Variants in NOTCH3 observed in about 807,000 individuals in gnomAD.
NOTCH3 encodes the protein notch receptor 3.
Under a neutral mutation model 213.3 loss-of-function variants are expected in NOTCH3, and 86 were observed. The ratio of observed to expected loss-of-function variants is 0.40; its 90% CI spans 0.34 to 0.48. The LOEUF (loss-of-function observed/expected upper bound fraction) is 0.48, where lower values mean the gene tolerates loss of function less well. NOTCH3 is among the 20% of genes least tolerant of loss of function. NOTCH3 has a pLI of 0.57. For missense variants in NOTCH3, 2,783 were observed against 3,272.6 expected (o/e 0.85, Z 3.65); for synonymous variants, 1,354 against 1,355.9 (o/e 1.00, Z 0.03).
rs2046899346 is a variant in NOTCH3 at position 15,188,196 on chromosome 19, A to G, written c.1492+39T>C. The G allele has an allele frequency of 2.1e-6, 3 of 1,456,028 alleles. No homozygotes were observed. In the African/African-American group the frequency reaches 4.2e-5, roughly 20 times the overall value. The allele number at this position is 1,456,028 out of a possible 1,614,324, so 90.2% of individuals were successfully genotyped here. On this transcript the variant is annotated intron_variant, in intron 9 of 32. Transcript: ENST00000263388. The stretch of plus-strand genomic sequence containing the variant: ...CACCCTGGAGTTTTTGCCCCTTCCC[A>G]GACATGTCTTTTCGGGCTCCCTCTC...
chr19:15,189,212 C>T (rs766602852), intron 7 of NOTCH3, 38 bp from the exon 8 acceptor site: 1 of 1,613,070 alleles, frequency 6.2e-7, no homozygotes. Context: ...GCGTGGCTGG[C>T]CGGGACCCCC....
At chr19:15,176,314 A>G (rs2046789580) in intron 24 of NOTCH3, among the ~76,000 whole-genome samples, 1 of 151,910 alleles carries the variant, frequency 6.6e-6, no homozygotes, top group South Asian at 2.1e-4. Flanking sequence ...GATTACAGCC[A>G]TGTGCCACCA....
Position 15,161,118 on chromosome 19 carries a change from G to A in NOTCH3, c.6510C>T (p.Leu2170=), listed in dbSNP as rs754442174. ...LGLLNPVAVP[L]DWARLPPPAP... ...CAGGTGGGGGCAGCCGGGCCCAATC[G>A]AGGGGCACAGCCACAGGGTTCAGCA... Residue 2170 remains leucine, a synonymous_variant, in exon 33 of 33, where the codon CTC becomes CTT. Transcript: ENST00000263388. The A allele has an allele frequency of 7.8e-6, 12 of 1,539,444 alleles. No individual in the cohort carries two copies. The highest frequency in any genetic ancestry group is 2.4e-5 in the East Asian group (1 of 41,250).
chr19:15,174,483 T>A (rs1009683990), intron 24 of NOTCH3, 83 bp from the exon 25 acceptor site: 1 of 1,009,858 alleles, frequency 9.9e-7, no homozygotes, highest in East Asian at 2.6e-5. Context: ...CACCGTAGAG[T>A]ACAGAGACTC....
chr19:15,189,381 C>G lies in NOTCH3; in HGVS notation c.1084G>C (p.Glu362Gln). 6.2e-7 allele frequency: 1 copy of G among 1,613,954 alleles called. No homozygotes were observed. The highest frequency in any genetic ancestry group is 8.5e-7 in the Non-Finnish European group (1 of 1,180,054). ...GGATTTGTGTCACAGATAGCATCCT[C>G]GTGGCAGGGGTTGCTGACACAGGCG... ...DDACVSNPCH[E>Q]DAICDTNPVN... is the part of the protein sequence containing the mutation. The change falls in exon 7 of 33, where the codon GAG (glutamate) becomes CAG (glutamine). Residue 362 changes from glutamate (E) to glutamine (Q), a missense_variant. Physicochemically the swap from Glu to Gln is conservative, Grantham distance 29. Coordinates refer to ENST00000263388, the MANE Select transcript of NOTCH3 (RefSeq NM_000435.3).
chr19:15,177,697 C>G lies in NOTCH3; in HGVS notation c.4231G>C (p.Gly1411Arg), dbSNP rs2046803350. 1 of 1,540,090 alleles carries G rather than the reference C, an allele frequency of 6.5e-7. No homozygotes were observed. The highest frequency in any genetic ancestry group is 1.4e-5 in the African/African-American group (1 of 73,288). ...CDRECNSPGC[G>R]WDGGDCSLSV... ...AGCGAGCAGTCGCCGCCGTCCCAGC[C>G]GCAGCCTGGGCTGTTGCACTCGCGG... The change falls in exon 24 of 33, where the codon GGC (glycine) becomes CGC (arginine). Residue 1411 changes from glycine to arginine, a missense_variant. Around this residue, in one of 6 missense-constraint regions of NOTCH3, gnomAD observed 133 missense variants for 201.9 expected, o/e 0.66. Coordinates refer to ENST00000263388, the MANE Select transcript of NOTCH3 (RefSeq NM_000435.3).
At chr19:15,179,930 C>A in intron 20 of NOTCH3, 142 bp downstream of exon 20, 1 of 630,206 alleles carries the variant, frequency 1.6e-6, no homozygotes. Flanking sequence ...AGAGTGACAC[C>A]CACAGATACA....
At chr19:15,187,389 C>G (rs771412078) in intron 10 of NOTCH3, 51 bp from the exon 11 acceptor site, 2 of 1,524,306 alleles carry the variant, frequency 1.3e-6, no homozygotes, top group Non-Finnish European at 1.8e-6. Flanking sequence ...GGCCTGCCCA[C>G]AAGTGAGGCC....
chr19:15,185,299 C>A lies in NOTCH3; in HGVS notation c.2254G>T (p.Asp752Tyr), dbSNP rs377521258. Residue 752 changes from aspartate (D) to tyrosine (Y), a missense_variant, in exon 14 of 33, where the codon GAT (aspartate) becomes TAT (tyrosine). Physicochemically the swap from Asp to Tyr is radical, Grantham distance 160. Coordinates refer to ENST00000263388, the MANE Select transcript of NOTCH3 (RefSeq NM_000435.3). The surrounding 1 kb of genome is among the most constrained non-coding windows in gnomAD (Gnocchi z 4.2). ...CAGGTGCAGTGGAAACCCATTCCAT[C>A]GCTGCTGCATGTCCCACCGGCCCTG... ...PCRAGGTCSS[D>Y]GMGFHCTCPP... The A allele has an allele frequency of 6.2e-7, 1 of 1,612,974 alleles. No homozygotes were observed. The highest frequency in any genetic ancestry group is 1.3e-5 in the African/African-American group (1 of 74,860).
At chr19:15,161,915 G>C (rs964622415) in intron 32 of NOTCH3, among the ~76,000 whole-genome samples, 1 of 151,790 alleles carries the variant, frequency 6.6e-6, no homozygotes, top group African/African-American at 2.4e-5. Context: ...AAGTGCCAGA[G>C]GTCAAGGCCA....
Position 15,192,094 on chromosome 19 carries a change from C to T in NOTCH3, c.545G>A (p.Arg182His), listed in dbSNP as rs767175703. The T allele has an allele frequency of 8.1e-6, 13 of 1,613,028 alleles. No individual in the cohort carries two copies. Among genetic ancestry groups the T allele is most frequent in the Middle Eastern group, 1.6e-4 (1 of 6,084 alleles). The change falls in exon 4 of 33, where the codon CGC becomes CAC. Residue 182 changes from arginine (R) to histidine (H), a missense_variant. Transcript: ENST00000263388. ...GTCLNTPGSF[R>H]CQCPAGYTGP... ...TGTGTAGCCAGCTGGACACTGGCAG[C>T]GGAAGGAGCCAGGTGTGTTGAGGCA... is the stretch of plus-strand genomic sequence containing the variant.
At chr19:15,171,021 C>T (rs2046729382) in intron 25 of NOTCH3, among the ~76,000 whole-genome samples, 196 bp from the exon 26 acceptor site, 3 of 152,142 alleles carry the variant, frequency 2.0e-5, no homozygotes, top group Non-Finnish European at 4.4e-5. Flanking sequence ...GGTCAGCAGT[C>T]CCCCCAGAGC....
At chr19:15,199,261 G>C (rs922466452) in intron 1 of NOTCH3, among the ~76,000 whole-genome samples, 1 of 152,196 alleles carries the variant, frequency 6.6e-6, no homozygotes, top group African/African-American at 2.4e-5. Flanking sequence ...GGGTGTGCCC[G>C]TGTGTGTATG....
At chr19:15,197,420 G>C (rs1254162605) in intron 2 of NOTCH3, 80 bp downstream of exon 2, 2 of 1,229,946 alleles carry the variant, frequency 1.6e-6, no homozygotes, top group Non-Finnish European at 2.3e-6. Context: ...TGAACACAGA[G>C]GCAGAGGGAG....
intron 2 of NOTCH3, among the ~76,000 whole-genome samples, chr19:15,195,987 T>C (rs1434453330): frequency 8.8e-6 from 1 of 114,144 alleles, no homozygotes; most frequent in Non-Finnish European, 1.8e-5. Flanking sequence ...ACGAGGTCTA[T>C]GGAAACGTCT....
Position 15,180,964 on chromosome 19 carries a change from G to A in NOTCH3, c.2991C>T (p.Cys997=), listed in dbSNP as rs1163870629. The change falls in exon 18 of 33, where the codon TGC becomes TGT. Residue 997 remains cysteine, a synonymous_variant. Transcript: ENST00000263388. The part of the protein sequence containing the change: ...TCLESFTGPQ[C]QTLVDWCSRQ... ...GGTCCCCAGTAACTCCACCCACCTG[G>A]CACTGCGGGCCCGTGAAGCTCTCGA... The A allele has an allele frequency of 1.9e-6, 3 of 1,589,832 alleles. No homozygotes were observed. The highest frequency in any genetic ancestry group is 2.3e-5 in the South Asian group (2 of 87,672).
At chr19:15,180,321 CACAGAT>C in intron 19 of NOTCH3, 65 bp from the exon 20 acceptor site, 4 of 1,549,928 alleles carry the variant, frequency 2.6e-6, no homozygotes, top group Non-Finnish European at 3.5e-6. Context: ...GCCTCCATCA[CACAGAT>C]CATTCAACAT....
rs543256690 is a variant in NOTCH3 at position 15,179,246 on chromosome 19, G to C, written c.3497C>G (p.Pro1166Arg). The change falls in exon 22 of 33, where the codon CCA becomes CGA. Residue 1166 changes from proline to arginine, a missense_variant. Physicochemically the swap from Pro to Arg is moderately radical, Grantham distance 103 (BLOSUM62 -2). Coordinates refer to ENST00000263388, the MANE Select transcript of NOTCH3 (RefSeq NM_000435.3). ...GGGCCCTGAGTCCAGCGGTGGGCCTGGGCCGCAGTCATCCTCATTAATCTC... is the reference window on the plus strand; with the variant it reads ...GGGCCCTGAGTCCAGCGGTGGGCCTCGGCCGCAGTCATCCTCATTAATCTC... ...LCEINEDDCGPGPPLDSGPRC... is the reference protein window; with the variant it reads ...LCEINEDDCGRGPPLDSGPRC... The C allele has an allele frequency of 1.9e-6, 3 of 1,613,940 alleles. No homozygotes were observed. The highest frequency in any genetic ancestry group is 2.2e-5 in the South Asian group (2 of 91,080).
chr19:15,190,118 A>G (rs1236455798), intron 6 of NOTCH3, among the ~76,000 whole-genome samples: 2 of 151,488 alleles, frequency 1.3e-5, no homozygotes, highest in African/African-American at 4.9e-5. Flanking sequence ...TACAAAAAAT[A>G]CAAAGCTTAG....
Sources: allele counts gnomAD v4.1 joint callset (sites outside exome capture counted in the v4.1 genomes callset), GRCh38; gene constraint gnomAD v4.1.1; regional missense constraint gnomAD v4.1.1; non-coding constraint Gnocchi (gnomAD v3.1); transcripts MANE v1.5; gene names NCBI Gene and HGNC (gene_info 2026-07-23, HGNC 2026-07-21).